A4GALT: variants seen among roughly 807,000 people sequenced by gnomAD.
A4GALT encodes the protein alpha 1,4-galactosyltransferase (P1PK blood group).
For synonymous variants in A4GALT, 257 were observed against 220.7 expected (o/e 1.16, Z -1.46); for missense variants, 512 against 486.0 (o/e 1.05, Z -0.50).
intron 1 of A4GALT, among the ~76,000 whole-genome samples, chr22:42,712,395 GT>G (rs1921774189): frequency 6.6e-6 from 1 of 152,214 alleles, no homozygotes; most frequent in Non-Finnish European, 1.5e-5. Context: ...ATGTGGATAA[GT>G]TTTCTGACTT....
rs761090113 is a variant in A4GALT, at chr22:42,693,334, G to A, written c.618C>T (p.Asn206=). ...CGTAGCGGGACTGGGTGCCCAGCACGTTGGTCAGGTTCCGCAGGTTCTTGA... is the reference window on the plus strand; with the variant it reads ...CGTAGCGGGACTGGGTGCCCAGCACATTGGTCAGGTTCCGCAGGTTCTTGA... ...IVLKNLRNLT[N]VLGTQSRYVL... is the part of the protein sequence containing the mutation. Residue 206 remains asparagine (N), a synonymous_variant, in exon 3 of 3, where the codon AAC becomes AAT. Coordinates refer to ENST00000642412, the MANE Select transcript of A4GALT (RefSeq NM_017436.7). The A allele has an allele frequency of 1.1e-5, 17 of 1,613,220 alleles. No individual in the cohort carries two copies. Among genetic ancestry groups the A allele is most frequent in the East Asian group, 2.2e-5 (1 of 44,874 alleles).
chr22:42,702,431 G>A lies in A4GALT; in HGVS notation c.-187-6800C>T, dbSNP rs904033288. Among the ~76,000 whole-genome samples, 10 of 149,986 alleles carry A rather than the reference G, an allele frequency of 6.7e-5. No homozygotes were observed. In the East Asian group the frequency reaches 1.6e-3, roughly 24 times the overall value. ...TCTCGGCTCACTGCCAACTTCCGCC[G>A]CCCGGGTTCAAGCGATTCTCTTGCC... is the stretch of plus-strand genomic sequence containing the variant. On this transcript the variant is annotated intron_variant, in intron 1 of 2. Coordinates refer to ENST00000642412, the MANE Select transcript of A4GALT (RefSeq NM_017436.7).
At chr22:42,699,161 A>G (rs1185330883) in intron 1 of A4GALT, among the ~76,000 whole-genome samples, 1 of 151,672 alleles carries the variant, frequency 6.6e-6, no homozygotes, top group East Asian at 1.9e-4. Context: ...TCGGTTCACT[A>G]AAACCTCTTC....
At chr22:42,712,874 G>A (rs997955744) in intron 1 of A4GALT, among the ~76,000 whole-genome samples, 6 of 152,128 alleles carry the variant, frequency 3.9e-5, no homozygotes, top group African/African-American at 7.2e-5. Context: ...CTCCAGCCTG[G>A]GCGACAGAGT....
At chr22:42,712,728 G>A (rs938751342) in intron 1 of A4GALT, among the ~76,000 whole-genome samples, 7 of 152,172 alleles carry the variant, frequency 4.6e-5, no homozygotes, top group Non-Finnish European at 8.8e-5. Flanking sequence ...GGCCAACAGG[G>A]TGAAACCCTG....
At chr22:42,706,640 C>A (rs1445649380) in intron 1 of A4GALT, among the ~76,000 whole-genome samples, 1 of 151,554 alleles carries the variant, frequency 6.6e-6, no homozygotes, top group Non-Finnish European at 1.5e-5. Context: ...ACTAAAAATA[C>A]AAAAACTAGC....
intron 1 of A4GALT, among the ~76,000 whole-genome samples, chr22:42,714,062 C>T (rs1186508506): frequency 6.6e-6 from 1 of 151,534 alleles, no homozygotes; most frequent in African/African-American, 2.4e-5. Flanking sequence ...GAGGCTGAGG[C>T]AGGAGAATCT....
chr22:42,715,476 C>CT (rs896043606), intron 1 of A4GALT, among the ~76,000 whole-genome samples: 9 of 152,080 alleles, frequency 5.9e-5, no homozygotes, highest in Non-Finnish European at 1.2e-4. Flanking sequence ...AATCCCAGCA[C>CT]TTTGGGAGGT....
intron 1 of A4GALT, among the ~76,000 whole-genome samples, chr22:42,709,067 A>ATATATATATAT (rs1180529043): frequency 1.2e-4 from 15 of 128,834 alleles, no homozygotes; most frequent in African/African-American, 4.2e-4. Context: ...ATATATATAT[A>ATATATATATAT]TTTTTTTTAA....
At chr22:42,696,174 A>C (rs982694650) in intron 1 of A4GALT, among the ~76,000 whole-genome samples, 2 of 148,754 alleles carry the variant, frequency 1.3e-5, no homozygotes, top group Admixed American at 6.8e-5. Context: ...TAATCCCAGC[A>C]CTTTGGGAGG....
chr22:42,712,851 G>A (rs1426292939), intron 1 of A4GALT, among the ~76,000 whole-genome samples: 1 of 152,196 alleles, frequency 6.6e-6, no homozygotes, highest in Non-Finnish European at 1.5e-5. Flanking sequence ...AGAGGTTGCA[G>A]TGAGCCACTG....
At position 42,717,041 on chromosome 22, in the gene A4GALT, C is replaced by A. The variant is rs372304738; in HGVS notation, c.-188+3756G>T. Among the ~76,000 whole-genome samples, 17 of 152,116 alleles carry A rather than the reference C, an allele frequency of 1.1e-4. No homozygotes were observed. In the South Asian group the frequency reaches 2.9e-3, roughly 26 times the overall value. ...CTTGTGGTGGGTGACAGTGCGGGCA[C>A]AGGGGAAGGTGTGTGGGCACAGGGG... On this transcript the variant is annotated intron_variant, in intron 1 of 2. Coordinates refer to ENST00000642412, the MANE Select transcript of A4GALT (RefSeq NM_017436.7).
chr22:42,692,504 T>G lies in A4GALT; in HGVS notation c.*386A>C. The G allele has an allele frequency of 2.7e-6, 1 of 375,142 alleles. No homozygotes were observed. Among genetic ancestry groups the G allele is most frequent in the South Asian group, 2.0e-5 (1 of 49,568 alleles). 23.2% of individuals were successfully genotyped at this position (375,142 alleles called of 1,614,324 possible). On this transcript the variant is annotated 3_prime_UTR_variant, in exon 3 of 3. Transcript: ENST00000642412. The surrounding 1 kb of genome is among the most constrained non-coding windows in gnomAD (Gnocchi z 4.6). ...TTCCTACCAACAGCCTCCTCTCCTC[T>G]CTGGGAATCTTGTCCCTTCTTCCCC...
At chr22:42,707,038 T>C (rs2147010098) in intron 1 of A4GALT, among the ~76,000 whole-genome samples, 1 of 152,140 alleles carries the variant, frequency 6.6e-6, no homozygotes, top group South Asian at 2.1e-4. Flanking sequence ...TAATAAGAGA[T>C]TTTAATTTAC....
chr22:42,714,148 G>A (rs1359749976), intron 1 of A4GALT, among the ~76,000 whole-genome samples: 1 of 151,506 alleles, frequency 6.6e-6, no homozygotes, highest in African/African-American at 2.4e-5. Context: ...ATTAGCCAGG[G>A]GTGGTAGTCC....
rs764008192 is a variant in A4GALT at position 42,693,067 on chromosome 22, G to A, written c.885C>T (p.Tyr295=). 6.2e-7 allele frequency: 1 copy of A among 1,612,670 alleles called. No homozygotes were observed. Among genetic ancestry groups the A allele is most frequent in the Admixed American group, 1.7e-5 (1 of 59,980 alleles). The change falls in exon 3 of 3, where the codon TAC becomes TAT. Residue 295 remains tyrosine, a synonymous_variant. Coordinates refer to ENST00000642412, the MANE Select transcript of A4GALT (RefSeq NM_017436.7). ...GCTCCTCGGGGTTGATGTCCTCAAAGTACTTCTTCCAGTCCTGCCAGGGGA... is the reference window on the plus strand; with the variant it reads ...GCTCCTCGGGGTTGATGTCCTCAAAATACTTCTTCCAGTCCTGCCAGGGGA... ...YPIPWQDWKK[Y]FEDINPEELP...
chr22:42,696,802 C>T (rs1170854477), intron 1 of A4GALT, among the ~76,000 whole-genome samples: 8 of 151,740 alleles, frequency 5.3e-5, no homozygotes, highest in African/African-American at 1.9e-4. Context: ...CTCCCCGCCA[C>T]CTGTGCCCCA....
chr22:42,706,592 C>T (rs1288938419), intron 1 of A4GALT, among the ~76,000 whole-genome samples: 10 of 151,776 alleles, frequency 6.6e-5, no homozygotes, highest in African/African-American at 1.2e-4. Context: ...GTCAGGAGTT[C>T]GAGACCAGCC....
chr22:42,716,159 A>G (rs764093037), intron 1 of A4GALT, among the ~76,000 whole-genome samples: 7 of 152,072 alleles, frequency 4.6e-5, no homozygotes, highest in African/African-American at 7.2e-5. Flanking sequence ...ATCTTCAGAT[A>G]TGGAGCCCTA....
Sources: gnomAD v4.1 joint callset for allele counts (sites outside exome capture counted in the v4.1 genomes callset) on GRCh38, gnomAD v4.1.1 for gene constraint, Gnocchi (gnomAD v3.1) non-coding constraint, MANE v1.5 for transcripts, NCBI Gene and HGNC (gene_info 2026-07-23, HGNC 2026-07-21) for gene names.